MAGI2: variants seen among roughly 807,000 people sequenced by gnomAD.
MAGI2 encodes membrane-associated guanylate kinase, WW and PDZ domain-containing protein 2.
A neutral mutation model predicts 133.3 loss-of-function variants in MAGI2; 35 were observed. That is an observed-to-expected ratio of 0.26 (90% CI 0.20 to 0.35). The LOEUF (loss-of-function observed/expected upper bound fraction) is 0.35, where lower values mean the gene tolerates loss of function less well. Ranked by LOEUF, MAGI2 falls within the 10% of genes least tolerant of loss-of-function variation. The pLI is 1.00. For missense variants in MAGI2, 1,636 were observed against 1,863.4 expected, an observed-to-expected ratio of 0.88 and a Z score of 2.25; for synonymous variants, 729 against 710.6, an observed-to-expected ratio of 1.03 and a Z score of -0.41.
intron 1 of MAGI2, among the ~76,000 whole-genome samples, chr7:79,171,770 A>AT (rs144599296): frequency 1.9e-4 from 6 of 31,224 alleles, no homozygotes; most frequent in South Asian, 8.1e-4. Flanking sequence ...ATATATATAT[A>AT]TTTTTTTTTT....
chr7:78,174,376 A>G (rs764489258), intron 14 of MAGI2, among the ~76,000 whole-genome samples: 30 of 152,232 alleles, frequency 2.0e-4, no homozygotes, highest in Non-Finnish European at 4.0e-4. Flanking sequence ...TGTTAGTATA[A>G]GTGCAATGGA....
chr7:78,422,999 CTATTGT>C (rs1307607534), intron 6 of MAGI2, among the ~76,000 whole-genome samples: 1 of 152,128 alleles, frequency 6.6e-6, no homozygotes, highest in African/African-American at 2.4e-5. Context: ...AGTTTTCCAC[CTATTGT>C]TATTATTTAT....
At chr7:79,296,335 A>G (rs1437269672) in intron 1 of MAGI2, among the ~76,000 whole-genome samples, 4 of 152,240 alleles carry the variant, frequency 2.6e-5, no homozygotes, top group Non-Finnish European at 5.9e-5. Flanking sequence ...ACTACTGGGT[A>G]TATATCTGAA....
In MAGI2 at chr7:79,272,944, T is replaced by G. The variant is rs578131771; in HGVS notation, c.301+180076A>C. On this transcript the variant is annotated intron_variant, in intron 1 of 21. Transcript: ENST00000354212. ...GCCAAACAGCAAGAAAGATACTCAG[T>G]AGCACTAACTCTAGCCTAGCTCTAT... Among the ~76,000 whole-genome samples, 4 of 152,230 alleles carry G rather than the reference T, an allele frequency of 2.6e-5. No individual in the cohort carries two copies. The South Asian group carries it at 8.3e-4, about 32-fold the overall frequency.
At chr7:78,724,953 G>C (rs572229261) in intron 2 of MAGI2, among the ~76,000 whole-genome samples, 5 of 152,258 alleles carry the variant, frequency 3.3e-5, no homozygotes, top group Admixed American at 3.3e-4. Flanking sequence ...TTAATATTCA[G>C]TGAAGATTTT....
chr7:79,036,561 G>T (rs1331825517), intron 1 of MAGI2, among the ~76,000 whole-genome samples: 1 of 152,186 alleles, frequency 6.6e-6, no homozygotes, highest in Non-Finnish European at 1.5e-5. Flanking sequence ...CGTTAAGCAA[G>T]ATTTAGGCAG....
chr7:79,253,931 T>TC (rs1175393510), intron 1 of MAGI2, among the ~76,000 whole-genome samples: 10 of 152,136 alleles, frequency 6.6e-5, no homozygotes, highest in Non-Finnish European at 1.5e-4. Context: ...AAACACTGGA[T>TC]CTAAAGATAT....
chr7:79,315,430 C>T (rs1014600071), intron 1 of MAGI2, among the ~76,000 whole-genome samples: 1 of 151,596 alleles, frequency 6.6e-6, no homozygotes, highest in Admixed American at 6.6e-5. Flanking sequence ...CCGCCTCAGC[C>T]CTCCAAAGTG....
chr7:78,362,312 T>C (rs1383833160), intron 7 of MAGI2, among the ~76,000 whole-genome samples: 1 of 151,866 alleles, frequency 6.6e-6, no homozygotes, highest in Non-Finnish European at 1.5e-5. Flanking sequence ...AATAAATAAG[T>C]AAATAAGTAA....
chr7:78,037,840 G>T (rs1810390147), intron 21 of MAGI2, among the ~76,000 whole-genome samples: 1 of 152,166 alleles, frequency 6.6e-6, no homozygotes, highest in Admixed American at 6.5e-5. Flanking sequence ...TTATGTTGGT[G>T]GACCTGCTGT....
chr7:78,777,313 T>C (rs1433782557), intron 2 of MAGI2, among the ~76,000 whole-genome samples: 1 of 152,230 alleles, frequency 6.6e-6, no homozygotes, highest in Non-Finnish European at 1.5e-5. Context: ...ATTTCCTAGC[T>C]GTGTGGTACC....
At chr7:79,135,730 C>T (rs1427702864) in intron 1 of MAGI2, among the ~76,000 whole-genome samples, 3 of 151,578 alleles carry the variant, frequency 2.0e-5, no homozygotes, top group Non-Finnish European at 4.4e-5. Context: ...AGCTTGAGGT[C>T]GGGAGTCCGA....
chr7:78,822,606 A>G (rs556163758), intron 2 of MAGI2, among the ~76,000 whole-genome samples: 3 of 152,272 alleles, frequency 2.0e-5, no homozygotes, highest in East Asian at 1.9e-4. Flanking sequence ...TCACAGACAT[A>G]TGCTCAACAT....
intron 15 of MAGI2, among the ~76,000 whole-genome samples, chr7:78,164,196 C>A (rs1183770218): frequency 6.6e-6 from 1 of 152,218 alleles, no homozygotes; most frequent in Non-Finnish European, 1.5e-5. Context: ...ATGCTACATA[C>A]CAGGACTCTA....
Position 79,453,234 on chromosome 7 carries a change from G to C in MAGI2, c.87C>G (p.Gly29=). Residue 29 remains glycine (G), a synonymous_variant, in exon 1 of 22, where the codon GGC becomes GGG. Coordinates refer to ENST00000354212, the MANE Select transcript of MAGI2 (RefSeq NM_012301.4). Reference sequence around the variant, plus strand: ...TCTCGGCGCCCCCCTTCAGTTCAAAGCCCAGCTGGCCCTCCGGGTTCCTGC... The same window carrying C: ...TCTCGGCGCCCCCCTTCAGTTCAAACCCCAGCTGGCCCTCCGGGTTCCTGC... ...VIGRNPEGQL[G]FELKGGAENG... The C allele has an allele frequency of 6.2e-7, 1 of 1,613,900 alleles. No homozygotes were observed. Among genetic ancestry groups the C allele is most frequent in the East Asian group, 2.2e-5 (1 of 44,844 alleles).
chr7:78,282,494 G>C (rs976952529), intron 9 of MAGI2, among the ~76,000 whole-genome samples: 13 of 152,040 alleles, frequency 8.6e-5, no homozygotes, highest in African/African-American at 3.1e-4. Flanking sequence ...TTGCATCAGA[G>C]ACCGTGTAGC....
intron 2 of MAGI2, among the ~76,000 whole-genome samples, chr7:78,767,469 T>C (rs905388259): frequency 6.6e-6 from 1 of 151,966 alleles, no homozygotes; most frequent in African/African-American, 2.4e-5. Flanking sequence ...AGAAGAAAAA[T>C]GTTCCTGAAA....
At chr7:78,166,447 A>G (rs1161934012) in intron 15 of MAGI2, among the ~76,000 whole-genome samples, 1 of 152,238 alleles carries the variant, frequency 6.6e-6, no homozygotes, top group Admixed American at 6.5e-5. Flanking sequence ...AGGATAAGGC[A>G]TAATTTAAGA....
chr7:78,434,332 A>G (rs1800076944), intron 6 of MAGI2, among the ~76,000 whole-genome samples: 1 of 152,174 alleles, frequency 6.6e-6, no homozygotes, highest in African/African-American at 2.4e-5. Context: ...ACTCAAATTT[A>G]ATTGTTACAC....
Sources: allele counts gnomAD v4.1 joint callset (sites outside exome capture counted in the v4.1 genomes callset), GRCh38; gene constraint gnomAD v4.1.1; transcripts MANE v1.5; gene names NCBI Gene and HGNC (gene_info 2026-07-23, HGNC 2026-07-21).